The following GMDS variants were observed in gnomAD, a reference collection of about 807,000 sequenced individuals.
The protein encoded by GMDS is GDP-mannose 4,6-dehydratase.
Under a neutral mutation model 49.9 loss-of-function variants are expected in GMDS, and 20 were observed. The ratio of observed to expected loss-of-function variants is 0.40; its 90% CI spans 0.28 to 0.58. The LOEUF is 0.58. GMDS is among the 20% of genes least tolerant of loss of function. GMDS has a pLI of 0.42. For synonymous variants in GMDS, 177 were observed against 178.6 expected, an observed-to-expected ratio of 0.99 and a Z score of 0.07; for missense variants, 362 against 481.4, an observed-to-expected ratio of 0.75 and a Z score of 2.32.
chr6:1,624,509 T>C lies in GMDS; in HGVS notation c.1019A>G (p.Lys340Arg). ...CCGGGGCTTCCAGTTCAGCTTCTGT[T>C]TCGCTTTGGTGCAGTCGCCCTGCAG... Reference protein sequence around the residue: ...DFLQGDCTKAKQKLNWKPRVA... With the variant: ...DFLQGDCTKARQKLNWKPRVA... The change falls in exon 10 of 11, where the codon AAA becomes AGA. Residue 340 changes from lysine (K) to arginine (R), a missense_variant. Lys to Arg is a conservative substitution (Grantham distance 26). Coordinates refer to ENST00000380815, the MANE Select transcript of GMDS (RefSeq NM_001500.4). 6.2e-7 allele frequency: 1 copy of C among 1,613,940 alleles called. No individual in the cohort carries two copies. The highest frequency in any genetic ancestry group is 8.5e-7 in the Non-Finnish European group (1 of 1,179,854).
chr6:1,887,074 G>A (rs935837907), intron 7 of GMDS, among the ~76,000 whole-genome samples: 1 of 152,324 alleles, frequency 6.6e-6, no homozygotes, highest in East Asian at 1.9e-4. Context: ...GACATGTAGA[G>A]AGGGTAAGCA....
intron 4 of GMDS, among the ~76,000 whole-genome samples, chr6:1,971,210 T>C (rs959321064): frequency 6.6e-6 from 1 of 152,132 alleles, no homozygotes; most frequent in African/African-American, 2.4e-5. Context: ...GAGCCAGCAG[T>C]GGCTCTGGAG....
chr6:2,215,915 T>C (rs376415910), intron 1 of GMDS, among the ~76,000 whole-genome samples: 2 of 152,244 alleles, frequency 1.3e-5, no homozygotes, highest in Non-Finnish European at 1.5e-5. Context: ...TAAAGATATA[T>C]AATATAATAA....
chr6:2,082,101 T>C (rs957738389), intron 4 of GMDS, among the ~76,000 whole-genome samples: 1 of 152,120 alleles, frequency 6.6e-6, no homozygotes, highest in Non-Finnish European at 1.5e-5. Context: ...ATATGCATAG[T>C]AATAACATTC....
chr6:1,819,772 AAAAAAT>A (rs1050391142), intron 7 of GMDS, among the ~76,000 whole-genome samples: 7 of 128,446 alleles, frequency 5.4e-5, no homozygotes, highest in African/African-American at 1.9e-4. Context: ...AAAAAAAAAA[AAAAAAT>A]ATATATATAT....
At chr6:1,684,784 T>G (rs964615590) in intron 9 of GMDS, among the ~76,000 whole-genome samples, 1 of 152,150 alleles carries the variant, frequency 6.6e-6, no homozygotes, top group Non-Finnish European at 1.5e-5. Flanking sequence ...TGTACACCCT[T>G]AGTGGGTGAT....
chr6:2,140,490 C>T (rs1776230677), intron 1 of GMDS, among the ~76,000 whole-genome samples: 1 of 152,210 alleles, frequency 6.6e-6, no homozygotes, highest in African/African-American at 2.4e-5. Flanking sequence ...GAAACTAATA[C>T]AGCTTAGAAC....
At chr6:2,179,035 A>G (rs1778405665) in intron 1 of GMDS, among the ~76,000 whole-genome samples, 1 of 152,234 alleles carries the variant, frequency 6.6e-6, no homozygotes, top group Admixed American at 6.5e-5. Flanking sequence ...GCGAATAAGA[A>G]TGCTGCCTGT....
chr6:1,789,971 T>C (rs1326333457), intron 7 of GMDS, among the ~76,000 whole-genome samples: 1 of 152,250 alleles, frequency 6.6e-6, no homozygotes, highest in Non-Finnish European at 1.5e-5. Flanking sequence ...TGATCCACTC[T>C]GGTATATTCT....
At chr6:1,637,433 C>T (rs1246882560) in intron 9 of GMDS, among the ~76,000 whole-genome samples, 2 of 152,238 alleles carry the variant, frequency 1.3e-5, no homozygotes, top group Non-Finnish European at 2.9e-5. Flanking sequence ...TCAAACTCTC[C>T]CCCGTGAAGG....
chr6:2,019,965 T>C (rs1768169666), intron 4 of GMDS, among the ~76,000 whole-genome samples: 1 of 152,244 alleles, frequency 6.6e-6, no homozygotes, highest in African/African-American at 2.4e-5. Context: ...ATCCTTTTTA[T>C]ATGTTGCTTG....
At position 2,066,208 on chromosome 6, in the gene GMDS, C is replaced by G. The variant is rs1460289757; in HGVS notation, c.345+49563G>C. ...AAGGAGAAATAAAATACTTTACAGA[C>G]AAGCAAATGCTGAGATTTTGTCACC... On this transcript the variant is annotated intron_variant, in intron 4 of 10. Transcript: ENST00000380815. Among the ~76,000 whole-genome samples the G allele has an allele frequency of 4.2e-5, 6 of 143,008 alleles. No homozygotes were observed. The East Asian group carries it at 1.0e-3, about 25-fold the overall frequency. 93.8% of individuals were successfully genotyped at this position (143,008 alleles called of 152,430 possible). A position where few individuals can be genotyped will look rare whatever the true frequency, so the allele number is the denominator to read the frequency against.
At chr6:2,029,125 A>C (rs1322310119) in intron 4 of GMDS, among the ~76,000 whole-genome samples, 1 of 152,094 alleles carries the variant, frequency 6.6e-6, no homozygotes, top group Non-Finnish European at 1.5e-5. Flanking sequence ...AATCTCTTTC[A>C]AGACAGAAAG....
intron 9 of GMDS, chr6:1,679,458 C>T (rs575642658): frequency 6.6e-6 from 1 of 152,378 alleles, no homozygotes; most frequent in South Asian, 2.1e-4. Context: ...GGTGCTCTAT[C>T]TTCACTGCCA....
Position 1,766,261 on chromosome 6 carries a change from C to T in GMDS, c.772-23675G>A, listed in dbSNP as rs1768350064. ...TAATTTAAGCTGATGTGCATTGAGT[C>T]ACTGGAAATTGGACAGGAGCAAAGA... is the stretch of plus-strand genomic sequence containing the variant. On this transcript the variant is annotated intron_variant, in intron 7 of 10. Coordinates refer to ENST00000380815, the MANE Select transcript of GMDS (RefSeq NM_001500.4). The surrounding 1 kb of genome is among the most constrained non-coding windows in gnomAD (Gnocchi z 4.5). Among the ~76,000 whole-genome samples, 1 of 152,060 alleles carries T rather than the reference C, an allele frequency of 6.6e-6. No individual in the cohort carries two copies. Among genetic ancestry groups the T allele is most frequent in the Non-Finnish European group, 1.5e-5 (1 of 68,012 alleles).
intron 7 of GMDS, among the ~76,000 whole-genome samples, chr6:1,856,176 T>C (rs1294669665): frequency 6.6e-6 from 1 of 152,214 alleles, no homozygotes; most frequent in Non-Finnish European, 1.5e-5. Flanking sequence ...TTGTCGGTAG[T>C]GATGGTGATA....
At chr6:1,724,743 G>A (rs774622136) in intron 9 of GMDS, among the ~76,000 whole-genome samples, 1 of 152,144 alleles carries the variant, frequency 6.6e-6, no homozygotes, top group African/African-American at 2.4e-5. Context: ...GGCTCCAGTC[G>A]GCAGTCCCTG....
chr6:1,640,736 G>A lies in GMDS; in HGVS notation c.988-16196C>T, dbSNP rs1012230479. ...ACACGGGGAGCTCATGTTCTACTGT[G>A]GGGGCACTGTCAGTAAACAGGCAAT... On this transcript the variant is annotated intron_variant, in intron 9 of 10. Coordinates refer to ENST00000380815, the MANE Select transcript of GMDS (RefSeq NM_001500.4). The surrounding 1 kb of genome is among the most constrained non-coding windows in gnomAD (Gnocchi z 4.0). Among the ~76,000 whole-genome samples, 13 of 152,138 alleles carry A rather than the reference G, an allele frequency of 8.5e-5. No homozygotes were observed. Among genetic ancestry groups the A allele is most frequent in the Non-Finnish European group, 1.8e-4 (12 of 68,002 alleles).
intron 4 of GMDS, among the ~76,000 whole-genome samples, chr6:2,018,981 C>A (rs765790294): frequency 2.0e-5 from 3 of 152,024 alleles, no homozygotes; most frequent in Non-Finnish European, 4.4e-5. Flanking sequence ...CATTTTTCCA[C>A]AACCTCATCA....
Sources: gnomAD v4.1 joint callset for allele counts (sites outside exome capture counted in the v4.1 genomes callset) on GRCh38, gnomAD v4.1.1 for gene constraint, Gnocchi (gnomAD v3.1) non-coding constraint, MANE v1.5 for transcripts, NCBI Gene and HGNC (gene_info 2026-07-23, HGNC 2026-07-21) for gene names.